The following MAGI2 variants were observed in gnomAD, a reference collection of about 807,000 sequenced individuals.
MAGI2 encodes membrane associated guanylate kinase, WW and PDZ domain containing 2.
A neutral mutation model predicts 133.3 loss-of-function variants in MAGI2; 35 were observed. The ratio of observed to expected loss-of-function variants is 0.26; its 90% CI spans 0.20 to 0.35. The LOEUF (loss-of-function observed/expected upper bound fraction) is 0.35. MAGI2 is among the 10% of genes least tolerant of loss of function. MAGI2 has a pLI of 1.00. For missense variants in MAGI2, 1,636 were observed against 1,863.4 expected (o/e 0.88, Z 2.25); for synonymous variants, 729 against 710.6 (o/e 1.03, Z -0.41).
At chr7:79,098,547 T>G (rs1314536218) in intron 1 of MAGI2, among the ~76,000 whole-genome samples, 1 of 152,222 alleles carries the variant, frequency 6.6e-6, no homozygotes, top group Non-Finnish European at 1.5e-5. Context: ...TTGGATAACA[T>G]GAGAAGAAAA....
At chr7:78,921,423 G>A (rs1009152777) in intron 2 of MAGI2, among the ~76,000 whole-genome samples, 8 of 152,070 alleles carry the variant, frequency 5.3e-5, no homozygotes, top group South Asian at 4.1e-4. Context: ...AACTCAGTAC[G>A]TTGGGTGGAA....
chr7:78,909,987 G>A (rs1798285919), intron 2 of MAGI2, among the ~76,000 whole-genome samples: 1 of 152,154 alleles, frequency 6.6e-6, no homozygotes, highest in Admixed American at 6.5e-5. Flanking sequence ...CCTTTGCAGG[G>A]ACATGGATGA....
At position 78,738,824 on chromosome 7, in the gene MAGI2, A is replaced by G. The variant is rs143159778; in HGVS notation, c.419-111585T>C. 9.0e-3 allele frequency among the ~76,000 whole-genome samples: 1,365 copies of G among 152,318 alleles called. 24 individuals are homozygous for G. Among genetic ancestry groups the G allele is most frequent in the African/African-American group, 0.03 (1,247 of 41,562 alleles). Reference sequence around the variant, plus strand: ...TCTTTTGGGGGAAGAATAAAAAGAAAGGGTGAAGAAATCTGTAGCATGGCA... The same window carrying G: ...TCTTTTGGGGGAAGAATAAAAAGAAGGGGTGAAGAAATCTGTAGCATGGCA... On this transcript the variant is annotated intron_variant, in intron 2 of 21. Transcript: ENST00000354212.
intron 1 of MAGI2, among the ~76,000 whole-genome samples, chr7:79,129,624 G>T (rs1820732140): frequency 1.3e-5 from 2 of 152,138 alleles, no homozygotes; most frequent in South Asian, 2.1e-4. Flanking sequence ...CAATTATAAT[G>T]ATAGCCATTT....
At chr7:78,308,346 A>G (rs999746987) in intron 9 of MAGI2, among the ~76,000 whole-genome samples, 5 of 152,200 alleles carry the variant, frequency 3.3e-5, no homozygotes, top group South Asian at 2.1e-4. Flanking sequence ...AGACCAATGT[A>G]CAACAAGACT....
intron 9 of MAGI2, among the ~76,000 whole-genome samples, chr7:78,269,243 C>T (rs1295884397): frequency 6.6e-6 from 1 of 152,146 alleles, no homozygotes; most frequent in African/African-American, 2.4e-5. Context: ...CCACAATAAA[C>T]ATATTTGTGC....
At chr7:78,673,183 C>G (rs149788947) in intron 2 of MAGI2, among the ~76,000 whole-genome samples, 1 of 151,860 alleles carries the variant, frequency 6.6e-6, no homozygotes, top group African/African-American at 2.4e-5. Flanking sequence ...TAACTCATTT[C>G]GTTAATGACA....
At chr7:79,440,369 G>C (rs1326416344) in intron 1 of MAGI2, among the ~76,000 whole-genome samples, 2 of 151,914 alleles carry the variant, frequency 1.3e-5, no homozygotes, top group Non-Finnish European at 2.9e-5. Flanking sequence ...GTAAATTTTT[G>C]TGGCTGGTTT....
At chr7:78,123,624 G>A (rs1820685751) in intron 20 of MAGI2, among the ~76,000 whole-genome samples, 2 of 152,122 alleles carry the variant, frequency 1.3e-5, no homozygotes, top group Non-Finnish European at 2.9e-5. Context: ...TGGATAAAGG[G>A]CTGTTTCACC....
At chr7:78,195,217 G>T (rs1009824672) in intron 11 of MAGI2, among the ~76,000 whole-genome samples, 154 bp from the exon 12 acceptor site, 1 of 152,154 alleles carries the variant, frequency 6.6e-6, no homozygotes, top group Admixed American at 6.5e-5. Flanking sequence ...AAGATTTTAT[G>T]TCTATGTAAG....
intron 1 of MAGI2, among the ~76,000 whole-genome samples, chr7:79,210,923 T>C (rs1005160757): frequency 1.3e-5 from 2 of 152,054 alleles, no homozygotes; most frequent in Non-Finnish European, 2.9e-5. Context: ...CATGAGTTTG[T>C]TTGGGATGGG....
chr7:79,105,329 A>G (rs1450506355), intron 1 of MAGI2, among the ~76,000 whole-genome samples: 2 of 152,160 alleles, frequency 1.3e-5, no homozygotes, highest in African/African-American at 4.8e-5. Flanking sequence ...TCTATTTTTT[A>G]AGTATGGAGC....
chr7:79,024,080 A>T (rs369028183), intron 1 of MAGI2, among the ~76,000 whole-genome samples: 1 of 152,202 alleles, frequency 6.6e-6, no homozygotes, highest in South Asian at 2.1e-4. Context: ...CCAATTTCAA[A>T]CTATACTACA....
intron 2 of MAGI2, among the ~76,000 whole-genome samples, chr7:78,667,830 G>C (rs1006776915): frequency 6.6e-6 from 1 of 152,106 alleles, no homozygotes; most frequent in African/African-American, 2.4e-5. Flanking sequence ...TTGCTATTGT[G>C]AATAGTACCG....
chr7:78,161,202 G>C (rs1459832201), intron 15 of MAGI2, among the ~76,000 whole-genome samples: 1 of 152,074 alleles, frequency 6.6e-6, no homozygotes, highest in South Asian at 2.1e-4. Flanking sequence ...ATGAGAAAAA[G>C]CCAGCATATT....
chr7:79,152,326 G>C (rs1823334531), intron 1 of MAGI2, among the ~76,000 whole-genome samples: 1 of 152,140 alleles, frequency 6.6e-6, no homozygotes, highest in Non-Finnish European at 1.5e-5. Context: ...CAAGACTCCT[G>C]TTTCTCCTGT....
At chr7:78,969,705 C>A (rs1803627294) in intron 2 of MAGI2, among the ~76,000 whole-genome samples, 1 of 152,040 alleles carries the variant, frequency 6.6e-6, no homozygotes, top group South Asian at 2.1e-4. Context: ...CAGTAGGGTT[C>A]TCATTTAACA....
At chr7:79,060,350 AT>A (rs1554346352) in intron 1 of MAGI2, among the ~76,000 whole-genome samples, 2 of 152,036 alleles carry the variant, frequency 1.3e-5, no homozygotes, top group Non-Finnish European at 2.9e-5. Flanking sequence ...TCATGCACAT[AT>A]TTTTTTAAAA....
intron 21 of MAGI2, among the ~76,000 whole-genome samples, chr7:78,043,936 T>C (rs1342795784): frequency 6.6e-6 from 1 of 152,212 alleles, no homozygotes; most frequent in Non-Finnish European, 1.5e-5. Flanking sequence ...AAAAGAATAG[T>C]GACAATTAAT....
Sources: gnomAD v4.1 joint callset for allele counts (sites outside exome capture counted in the v4.1 genomes callset) on GRCh38, gnomAD v4.1.1 for gene constraint, MANE v1.5 for transcripts, NCBI Gene and HGNC (gene_info 2026-07-23, HGNC 2026-07-21) for gene names.